Variants in IMPA2 observed in about 807,000 individuals in gnomAD.
IMPA2 encodes inositol monophosphatase 2, also known as IMP 2.
A neutral mutation model predicts 35.1 loss-of-function variants in IMPA2; 32 were observed. The observed-to-expected ratio is 0.91, with a 90% CI of 0.69 to 1.23. IMPA2 has a LOEUF of 1.23. Ranked by LOEUF, IMPA2 falls within the 50% of genes most tolerant of loss-of-function variation. IMPA2 has a pLI of 0.00. For synonymous variants in IMPA2, 135 were observed against 160.6 expected (o/e 0.84, Z 1.20); for missense variants, 334 against 387.6 (o/e 0.86, Z 1.16).
At chr18:12,017,032 C>T (rs1172075111) in intron 5 of IMPA2, among the ~76,000 whole-genome samples, 1 of 152,218 alleles carries the variant, frequency 6.6e-6, no homozygotes, top group African/African-American at 2.4e-5. Context: ...TTCTCCCTCT[C>T]TCTTTCTGCT....
At chr18:12,009,270 ATC>A (rs1907365167) in intron 2 of IMPA2, among the ~76,000 whole-genome samples, 1 of 151,956 alleles carries the variant, frequency 6.6e-6, no homozygotes, top group Non-Finnish European at 1.5e-5. Context: ...TCAAGACCCT[ATC>A]TCTTAAAAAA....
At chr18:12,019,208 T>C (rs1291659575) in intron 5 of IMPA2, among the ~76,000 whole-genome samples, 2 of 152,114 alleles carry the variant, frequency 1.3e-5, no homozygotes, top group African/African-American at 2.4e-5. Context: ...TCTTTTCAGA[T>C]AACTGAGGGC....
chr18:12,000,267 G>A (rs1335644632), intron 2 of IMPA2, among the ~76,000 whole-genome samples: 1 of 151,712 alleles, frequency 6.6e-6, no homozygotes, highest in East Asian at 1.9e-4. Context: ...TGAACTCCTG[G>A]GTTCCAGTGA....
intron 5 of IMPA2, among the ~76,000 whole-genome samples, chr18:12,022,529 ATATATATATATATAT>A (rs1598704573): frequency 5.2e-5 from 2 of 38,692 alleles, no homozygotes; most frequent in East Asian, 4.1e-3. Flanking sequence ...CTCAAAAAGA[ATATATATATATATAT>A]ATATATATAT....
intron 4 of IMPA2, among the ~76,000 whole-genome samples, chr18:12,013,815 C>G (rs1907500087): frequency 1.3e-5 from 2 of 152,200 alleles, no homozygotes; most frequent in South Asian, 4.1e-4. Flanking sequence ...TGGGGCTGTC[C>G]TTGGGCTTCT....
intron 5 of IMPA2, 47 bp from the exon 6 acceptor site, chr18:12,027,996 A>C: frequency 7.6e-7 from 1 of 1,315,650 alleles, no homozygotes; most frequent in South Asian, 1.2e-5. Context: ...CCTTAGTTAG[A>C]ACCAAGACTT....
intron 7 of IMPA2, among the ~76,000 whole-genome samples, chr18:12,029,522 A>G (rs995974221): frequency 2.0e-5 from 3 of 152,058 alleles, no homozygotes; most frequent in Non-Finnish European, 4.4e-5. Flanking sequence ...TCCAGGTTCA[A>G]GCAATTCTCC....
chr18:12,025,820 T>C (rs1907867404), intron 5 of IMPA2, among the ~76,000 whole-genome samples: 1 of 152,176 alleles, frequency 6.6e-6, no homozygotes, highest in Non-Finnish European at 1.5e-5. Context: ...TCCTCCCGCC[T>C]CAGCCTCCCA....
intron 1 of IMPA2, among the ~76,000 whole-genome samples, chr18:11,985,546 C>A (rs890672297): frequency 1.5e-4 from 23 of 152,182 alleles, no homozygotes; most frequent in African/African-American, 5.5e-4. Flanking sequence ...TGAGAACCTT[C>A]TATGAATTTT....
chr18:11,986,731 G>A (rs1906677121), intron 1 of IMPA2, among the ~76,000 whole-genome samples: 1 of 152,190 alleles, frequency 6.6e-6, no homozygotes, highest in Non-Finnish European at 1.5e-5. Flanking sequence ...TGTGTCCGGA[G>A]TCCCTGTTCT....
At chr18:12,027,904 T>C (rs558141777) in intron 5 of IMPA2, 139 bp from the exon 6 acceptor site, 2 of 606,326 alleles carry the variant, frequency 3.3e-6, no homozygotes, top group South Asian at 4.2e-5. Context: ...TCAACATAGA[T>C]ATCAAAAAAG....
intron 2 of IMPA2, among the ~76,000 whole-genome samples, chr18:12,000,989 TG>T (rs1167381383): frequency 2.0e-5 from 3 of 150,790 alleles, no homozygotes; most frequent in Non-Finnish European, 4.4e-5. Context: ...CCCAGCACTT[TG>T]GGAGGCTGAG....
At chr18:12,017,549 C>G (rs1907612053) in intron 5 of IMPA2, 1 of 360,162 alleles carries the variant, frequency 2.8e-6, no homozygotes, top group South Asian at 2.0e-5. Flanking sequence ...TCTTTGTTGC[C>G]TTTTCACTGG....
chr18:12,018,550 G>C (rs932061987), intron 5 of IMPA2, among the ~76,000 whole-genome samples: 7 of 151,996 alleles, frequency 4.6e-5, no homozygotes, highest in Non-Finnish European at 1.0e-4. Flanking sequence ...TTGATCTTAG[G>C]ACAAACCCAT....
intron 7 of IMPA2, 130 bp downstream of exon 7, chr18:12,029,123 T>TG (rs1210946815): frequency 2.2e-6 from 2 of 919,880 alleles, no homozygotes; most frequent in Non-Finnish European, 1.6e-6. Context: ...TTTTTTTTTT[T>TG]TTTTTTTTTT....
chr18:12,007,122 TC>T (rs1907270900), intron 2 of IMPA2, among the ~76,000 whole-genome samples: 1 of 151,942 alleles, frequency 6.6e-6, no homozygotes, highest in African/African-American at 2.4e-5. Context: ...AGGGCGAGAC[TC>T]TGTCTCCAAA....
intron 1 of IMPA2, among the ~76,000 whole-genome samples, chr18:11,987,040 G>A (rs1338711219): frequency 3.3e-5 from 5 of 152,206 alleles, no homozygotes. Flanking sequence ...CATCTTCCCA[G>A]CAGGATTTTT....
At chr18:11,992,327 C>T (rs1906839828) in intron 1 of IMPA2, among the ~76,000 whole-genome samples, 1 of 152,190 alleles carries the variant, frequency 6.6e-6, no homozygotes, top group South Asian at 2.1e-4. Context: ...AGACACATCT[C>T]CTATTGAAAC....
At chr18:12,014,443 C>T in intron 5 of IMPA2, 70 bp downstream of exon 5, 1 of 943,102 alleles carries the variant, frequency 1.1e-6, no homozygotes, top group Non-Finnish European at 1.6e-6. Context: ...CCAAAGCCAC[C>T]ATGATGTGGG....
Sources: allele counts gnomAD v4.1 joint callset (sites outside exome capture counted in the v4.1 genomes callset), GRCh38; gene constraint gnomAD v4.1.1; transcripts MANE v1.5; gene names NCBI Gene and HGNC (gene_info 2026-07-23, HGNC 2026-07-21).